The following SPSB3 variants were observed in gnomAD, a reference collection of about 807,000 sequenced individuals.
SPSB3 encodes the protein SPRY domain-containing SOCS box protein 3.
A neutral mutation model predicts 29.5 loss-of-function variants in SPSB3; 18 were observed. The observed-to-expected ratio is 0.61, with a 90% CI of 0.42 to 0.91. The LOEUF is 0.91. Ranked by LOEUF, SPSB3 falls within the 40% of genes least tolerant of loss-of-function variation. SPSB3 has a pLI of 0.00. For synonymous variants in SPSB3, 299 were observed against 214.1 expected, an observed-to-expected ratio of 1.40 and a Z score of -3.46; for missense variants, 540 against 507.5, an observed-to-expected ratio of 1.06 and a Z score of -0.61.
At position 1,777,302 on chromosome 16, in the gene SPSB3, A is replaced by G. The variant is rs369777971; in HGVS notation, c.863T>C (p.Leu288Pro). 6.2e-7 allele frequency: 1 copy of G among 1,610,152 alleles called. No homozygotes were observed. The highest frequency in any genetic ancestry group is 8.5e-7 in the Non-Finnish European group (1 of 1,179,758). ...CAGCGTGTCTCCCGAGTCTGGCCGC[A>G]GCTGGCGCAGGCGGTGGCAGCACAG... ...QYLCCHRLRQ[L>P]RPDSGDTLEG... Residue 288 changes from leucine (L) to proline (P), a missense_variant, in exon 7 of 7, where the codon CTG becomes CCG. Physicochemically the swap from Leu to Pro is moderately conservative, Grantham distance 98. Transcript: ENST00000566339.
At chr16:1,781,551 A>G in intron 1 of SPSB3, 56 bp from the exon 2 acceptor site, 4 of 1,570,108 alleles carry the variant, frequency 2.5e-6, no homozygotes, top group South Asian at 2.3e-5. Context: ...CCCAGCCCTG[A>G]GCTTCCAGGC....
At chr16:1,779,399 A>C (rs1170240975) in intron 2 of SPSB3, 1 of 152,574 alleles carries the variant, frequency 6.6e-6, no homozygotes, top group Admixed American at 6.5e-5. Context: ...GCCTTGTGAC[A>C]GTGAGGGTTG....
intron 2 of SPSB3, chr16:1,781,102 G>T: frequency 7.3e-7 from 1 of 1,373,546 alleles, no homozygotes; most frequent in Non-Finnish European, 9.7e-7. Context: ...ATGTGTTTCA[G>T]AGGAGAAAGC....
In SPSB3 at chr16:1,776,865, C is replaced by A; in HGVS notation, c.*232G>T. 2 of 563,252 alleles carry A rather than the reference C, an allele frequency of 3.6e-6. No individual in the cohort carries two copies. The highest frequency in any genetic ancestry group is 6.2e-6 in the Non-Finnish European group (2 of 323,184). The allele number at this position is 563,252 out of a possible 1,614,324, so 34.9% of individuals were successfully genotyped here. ...GCCAGGCTCTCGTCCTCGCAGCCTCCCACAAGACCTGGGGCTCAGGGCAGC... is the reference window on the plus strand; with the variant it reads ...GCCAGGCTCTCGTCCTCGCAGCCTCACACAAGACCTGGGGCTCAGGGCAGC... On this transcript the variant is annotated 3_prime_UTR_variant, in exon 7 of 7. Transcript: ENST00000566339.
intron 2 of SPSB3, 156 bp downstream of exon 2, chr16:1,781,202 T>C (rs763420984): frequency 1.2e-4 from 191 of 1,558,784 alleles, no homozygotes; most frequent in Non-Finnish European, 6.2e-5. Flanking sequence ...CTGAATGCGG[T>C]GCATCCAGGA....
At chr16:1,781,565 G>C in intron 1 of SPSB3, 70 bp from the exon 2 acceptor site, 1 of 1,532,584 alleles carries the variant, frequency 6.5e-7, no homozygotes, top group East Asian at 2.3e-5. Context: ...TCCAGGCTGG[G>C]CCACGGACCC....
At chr16:1,778,740 C>T (rs771524020) in intron 2 of SPSB3, 128 bp from the exon 3 acceptor site, 10 of 1,035,096 alleles carry the variant, frequency 9.7e-6, no homozygotes, top group Non-Finnish European at 1.4e-5. Flanking sequence ...CCTCCAGGGA[C>T]TTCACAGTAC....
At position 1,777,842 on chromosome 16, in the gene SPSB3, C is replaced by A. The variant is rs188745926; in HGVS notation, c.626G>T (p.Ser209Ile). 108 of 1,612,836 alleles carry A rather than the reference C, an allele frequency of 6.7e-5. No individual in the cohort carries two copies. The East Asian group carries it at 2.2e-3, about 33-fold the overall frequency. ...GLLHHKGDKTSFSSRFGQGSI... is the reference protein window; with the variant it reads ...GLLHHKGDKTIFSSRFGQGSI... ...GCCCTGGCCGAACCGCGATGAGAAG[C>A]TGGTCTTGTCGCCCTTGTGGTGGAG... The change falls in exon 6 of 7, where the codon AGC (serine) becomes ATC (isoleucine). Residue 209 changes from serine (S) to isoleucine (I), a missense_variant. Ser to Ile is a moderately radical substitution (Grantham distance 142, BLOSUM62 -2). Transcript: ENST00000566339.
intron 1 of SPSB3, chr16:1,782,209 T>C (rs1391497930): frequency 6.6e-6 from 1 of 151,738 alleles, no homozygotes; most frequent in Non-Finnish European, 1.5e-5. Flanking sequence ...GGGCCCCGGG[T>C]GGGGTTCCAG....
intron 2 of SPSB3, chr16:1,780,943 G>A: frequency 5.8e-6 from 2 of 345,068 alleles, no homozygotes; most frequent in Non-Finnish European, 5.6e-6. Context: ...ATGTTGCCCA[G>A]GCAGGTCTCA....
rs781451093 is a variant in SPSB3, at chr16:1,777,174, G to C, written c.991C>G (p.Pro331Ala). 1.2e-6 allele frequency: 2 copies of C among 1,611,002 alleles called. No homozygotes were observed. The highest frequency in any genetic ancestry group is 1.7e-6 in the Non-Finnish European group (2 of 1,179,888). Residue 331 changes from proline (P) to alanine (A), a missense_variant, in exon 7 of 7, where the codon CCC (proline) becomes GCC (alanine). Coordinates refer to ENST00000566339, the MANE Select transcript of SPSB3 (RefSeq NM_080861.4). ...GGGTGGGCGGAGGTCGCTGCCTGGGGATCGGACACTGGAGCCTTGCGGCGG... is the reference window on the plus strand; with the variant it reads ...GGGTGGGCGGAGGTCGCTGCCTGGGCATCGGACACTGGAGCCTTGCGGCGG... ...CSRRKAPVSD[P>A]QAATSAHPSS...
chr16:1,778,283 C>G lies in SPSB3; in HGVS notation c.343G>C (p.Ala115Pro). ...WVWDDLNKSS[A>P]TLLSCDNRKV... Reference sequence around the variant, plus strand: ...CGGTTGTCACAGCTCAGCAGGGTGGCTGATGACTTATTTAAGTCATCCCAG... The same window carrying G: ...CGGTTGTCACAGCTCAGCAGGGTGGGTGATGACTTATTTAAGTCATCCCAG... The change falls in exon 4 of 7, where the codon GCC becomes CCC. Residue 115 changes from alanine (A) to proline (P), a missense_variant. Coordinates refer to ENST00000566339, the MANE Select transcript of SPSB3 (RefSeq NM_080861.4). 1.9e-6 allele frequency: 3 copies of G among 1,612,710 alleles called. No individual in the cohort carries two copies. The highest frequency in any genetic ancestry group is 1.7e-6 in the Non-Finnish European group (2 of 1,179,998).
At position 1,778,572 on chromosome 16, in the gene SPSB3, G is replaced by A. The variant is rs759213206; in HGVS notation, c.167C>T (p.Pro56Leu). The change falls in exon 3 of 7, where the codon CCG becomes CTG. Residue 56 changes from proline to leucine, a missense_variant. Coordinates refer to ENST00000566339, the MANE Select transcript of SPSB3 (RefSeq NM_080861.4). ...SDSDPEYSTL[P>L]PSIPSAVPVT... is the part of the protein sequence containing the mutation. The stretch of plus-strand genomic sequence containing the variant: ...GGGCACCGCACTGGGGATGGATGGC[G>A]GCAGCGTGGAGTACTCGGGGTCGGA... 6.9e-6 allele frequency: 11 copies of A among 1,595,746 alleles called. No homozygotes were observed. Among genetic ancestry groups the A allele is most frequent in the Non-Finnish European group, 9.4e-6 (11 of 1,168,178 alleles).
chr16:1,781,015 G>A (rs1205527089), intron 2 of SPSB3: 6 of 526,324 alleles, frequency 1.1e-5, no homozygotes, highest in East Asian at 5.7e-5. Context: ...TTATAGGTGT[G>A]AGCCACAGTG....
intron 6 of SPSB3, 87 bp downstream of exon 6, chr16:1,777,660 A>G (rs2042734089): frequency 1.9e-6 from 3 of 1,563,624 alleles, no homozygotes; most frequent in Admixed American, 1.8e-5. Context: ...CCTTTCAGAA[A>G]ACCTCAGTGT....
At chr16:1,778,957 T>C in intron 2 of SPSB3, 1 of 211,150 alleles carries the variant, frequency 4.7e-6, no homozygotes, top group East Asian at 1.1e-4. Flanking sequence ...AGGCCAGCCC[T>C]GCAGGGGCCC....
Position 1,777,137 on chromosome 16 carries a change from T to C in SPSB3, c.1028A>G (p.Glu343Gly), listed in dbSNP as rs1394482869. The C allele has an allele frequency of 5.6e-6, 9 of 1,611,562 alleles. No individual in the cohort carries two copies. The highest frequency in any genetic ancestry group is 7.6e-6 in the Non-Finnish European group (9 of 1,179,740). The change falls in exon 7 of 7, where the codon GAG becomes GGG. Residue 343 changes from glutamate to glycine, a missense_variant. By Grantham distance (98) the Glu-to-Gly change is moderately conservative. Transcript: ENST00000566339. The stretch of plus-strand genomic sequence containing the variant: ...GCGCTTCCTCTGGCAGGGCCGAGGC[T>C]CGCGACTGCTGGGGTGGGCGGAGGT... The part of the protein sequence containing the change: ...AATSAHPSSR[E>G]PRPCQRKRCR...
At chr16:1,780,638 A>T (rs1207837942) in intron 2 of SPSB3, 1 of 158,078 alleles carries the variant, frequency 6.3e-6, no homozygotes, top group African/African-American at 2.4e-5. Flanking sequence ...AACAAAGAGT[A>T]TGCGTTTGTA....
chr16:1,777,041 G>C lies in SPSB3; in HGVS notation c.*56C>G. The C allele has an allele frequency of 1.9e-6, 3 of 1,557,262 alleles. No homozygotes were observed. The highest frequency in any genetic ancestry group is 2.6e-6 in the Non-Finnish European group (3 of 1,146,340). ...CTGGAAGGAAGGGACAGAGAAAGAA[G>C]GGACAGAGGAAAGGGGCTGTCCCAG... On this transcript the variant is annotated 3_prime_UTR_variant, in exon 7 of 7. Coordinates refer to ENST00000566339, the MANE Select transcript of SPSB3 (RefSeq NM_080861.4).
Sources: gnomAD v4.1 joint callset for allele counts on GRCh38, gnomAD v4.1.1 for gene constraint, MANE v1.5 for transcripts, NCBI Gene and HGNC (gene_info 2026-07-23, HGNC 2026-07-21) for gene names.